The following PLXDC2 variants were observed in gnomAD, a reference collection of about 807,000 sequenced individuals.
PLXDC2 encodes plexin domain containing 2.
A neutral mutation model predicts 68.9 loss-of-function variants in PLXDC2; 40 were observed. The observed-to-expected ratio is 0.58, with a 90% CI of 0.45 to 0.76. The LOEUF is 0.76. Among genes scored for constraint, PLXDC2 ranks in the 30% least tolerant of loss-of-function variants. The pLI, the probability that PLXDC2 is intolerant of heterozygous loss-of-function variation, is 0.00. For synonymous variants in PLXDC2, 243 were observed against 234.2 expected (o/e 1.04, Z -0.34); for missense variants, 644 against 661.9 (o/e 0.97, Z 0.30).
chr10:20,279,498 G>T (rs1836052761), intron 13 of PLXDC2, among the ~76,000 whole-genome samples: 1 of 152,142 alleles, frequency 6.6e-6, no homozygotes, highest in African/African-American at 2.4e-5. Context: ...TGTGACAGGG[G>T]TAGATAGCGC....
At chr10:19,870,535 C>T (rs952300454) in intron 1 of PLXDC2, among the ~76,000 whole-genome samples, 1 of 152,008 alleles carries the variant, frequency 6.6e-6, no homozygotes. Flanking sequence ...AAGTGATTTT[C>T]CTGCCTCAGC....
chr10:20,279,834 A>T lies in PLXDC2; in HGVS notation c.*15A>T, dbSNP rs1460550432. On this transcript the variant is annotated 3_prime_UTR_variant, in exon 14 of 14. Coordinates refer to ENST00000377252, the MANE Select transcript of PLXDC2 (RefSeq NM_032812.9). Reference sequence around the variant, plus strand: ...AGCAGTGCTAAAATTTCTAGGACAGAACAACACCAGTACTGGTTTACAGGT... The same window carrying T: ...AGCAGTGCTAAAATTTCTAGGACAGTACAACACCAGTACTGGTTTACAGGT... 1 of 1,607,554 alleles carries T rather than the reference A, an allele frequency of 6.2e-7. No individual in the cohort carries two copies. The highest frequency in any genetic ancestry group is 8.5e-7 in the Non-Finnish European group (1 of 1,174,226).
At chr10:20,113,719 T>TA (rs570672069) in intron 4 of PLXDC2, among the ~76,000 whole-genome samples, 1 of 152,068 alleles carries the variant, frequency 6.6e-6, no homozygotes, top group Non-Finnish European at 1.5e-5. Flanking sequence ...AGGGGAAAAA[T>TA]AAAAAAACAG....
intron 1 of PLXDC2, among the ~76,000 whole-genome samples, chr10:19,870,815 G>GA (rs1589511094): frequency 6.6e-6 from 1 of 152,214 alleles, no homozygotes; most frequent in African/African-American, 2.4e-5. Context: ...GATGAGGAGA[G>GA]AAAATCTGTC....
intron 3 of PLXDC2, 109 bp downstream of exon 3, chr10:20,047,124 G>T (rs1835811426): frequency 8.6e-7 from 1 of 1,156,190 alleles, no homozygotes; most frequent in African/African-American, 1.6e-5. Context: ...TATTAGAATG[G>T]CCTTATCTGT....
chr10:20,103,967 T>G (rs1430651608), intron 4 of PLXDC2, among the ~76,000 whole-genome samples: 1 of 152,080 alleles, frequency 6.6e-6, no homozygotes, highest in African/African-American at 2.4e-5. Flanking sequence ...AAGATATAAT[T>G]GAAGGAGCAG....
intron 3 of PLXDC2, among the ~76,000 whole-genome samples, chr10:20,050,473 G>T (rs554647750): frequency 1.3e-5 from 2 of 152,152 alleles, no homozygotes; most frequent in Non-Finnish European, 2.9e-5. Flanking sequence ...TCTGACAAAG[G>T]TCTAATATCC....
rs571950373 is a variant in PLXDC2 at position 19,843,404 on chromosome 10, C to T, written c.112+26213C>T. ...TTTCCAAAGAGTCTACCCCTGTTAT[C>T]GTAGGATTCCTCCATAAGGACACCA... is the stretch of plus-strand genomic sequence containing the variant. On this transcript the variant is annotated intron_variant, in intron 1 of 13. Transcript: ENST00000377252. 5.9e-5 allele frequency among the ~76,000 whole-genome samples: 9 copies of T among 152,112 alleles called. No homozygotes were observed. The East Asian group carries it at 7.7e-4, about 13-fold the overall frequency.
chr10:20,284,400 A>G lies in PLXDC2; in HGVS notation c.*4581A>G, dbSNP rs1465218425. 2.5e-5 allele frequency: 3 copies of G among 118,824 alleles called. No homozygotes were observed. Among genetic ancestry groups the G allele is most frequent in the African/African-American group, 1.0e-4 (3 of 28,982 alleles). 7.4% of individuals were successfully genotyped at this position (118,824 alleles called of 1,614,324 possible). A position where few individuals can be genotyped will look rare whatever the true frequency, so the allele number is the denominator to read the frequency against. ...TATATGTATATTTGATAGAGATGAT[A>G]GCAATTATGTGTGTGTGTGTGTGTG... On this transcript the variant is annotated 3_prime_UTR_variant, in exon 14 of 14. Transcript: ENST00000377252.
chr10:20,128,350 A>G (rs1409967271), intron 4 of PLXDC2, among the ~76,000 whole-genome samples: 2 of 152,106 alleles, frequency 1.3e-5, no homozygotes, highest in Non-Finnish European at 2.9e-5. Flanking sequence ...TGAGGTATTG[A>G]CTTTTTTTCA....
intron 4 of PLXDC2, among the ~76,000 whole-genome samples, chr10:20,086,388 C>A (rs1378493046): frequency 6.6e-6 from 1 of 150,644 alleles, no homozygotes; most frequent in Non-Finnish European, 1.5e-5. Context: ...GACTGGGTCT[C>A]CCTATGCTGT....
chr10:20,257,144 C>T (rs1835752383), intron 13 of PLXDC2, among the ~76,000 whole-genome samples: 1 of 152,172 alleles, frequency 6.6e-6, no homozygotes. Flanking sequence ...CTTTCTGACA[C>T]TCACAGGTAC....
At chr10:20,222,200 A>G (rs1476484247) in intron 12 of PLXDC2, among the ~76,000 whole-genome samples, 1 of 152,138 alleles carries the variant, frequency 6.6e-6, no homozygotes, top group Non-Finnish European at 1.5e-5. Context: ...TTTCTTGGTT[A>G]TTGCATTACT....
At chr10:20,016,964 A>C (rs1835222865) in intron 2 of PLXDC2, among the ~76,000 whole-genome samples, 1 of 152,222 alleles carries the variant, frequency 6.6e-6, no homozygotes, top group Non-Finnish European at 1.5e-5. Flanking sequence ...CTTCTGTTCC[A>C]CATTGGTCTT....
At chr10:19,849,310 G>T (rs1237767266) in intron 1 of PLXDC2, among the ~76,000 whole-genome samples, 1 of 92,616 alleles carries the variant, frequency 1.1e-5, no homozygotes, top group East Asian at 2.4e-4. Flanking sequence ...ATTCTGTCTC[G>T]CTCTCTCTCT....
At chr10:20,016,343 TTGGACTGGAAGTAAAACGGAGTCCA>T (rs1835210107) in intron 2 of PLXDC2, among the ~76,000 whole-genome samples, 1 of 152,202 alleles carries the variant, frequency 6.6e-6, no homozygotes, top group African/African-American at 2.4e-5. Flanking sequence ...CATTTGTGGT[TTGGACTGGAAGTAAAACGGAGTCCA>T]TGTGACAAGA....
At chr10:19,863,373 G>A (rs540714771) in intron 1 of PLXDC2, among the ~76,000 whole-genome samples, 63 of 152,310 alleles carry the variant, frequency 4.1e-4, no homozygotes, top group African/African-American at 1.4e-3. Context: ...TGCTTGCAGG[G>A]CTGGTACGTT....
chr10:19,883,338 G>T (rs1479793985), intron 1 of PLXDC2, among the ~76,000 whole-genome samples: 2 of 152,146 alleles, frequency 1.3e-5, no homozygotes, highest in Non-Finnish European at 2.9e-5. Context: ...CATGAGAGGT[G>T]TTTAGTTAGC....
intron 3 of PLXDC2, among the ~76,000 whole-genome samples, chr10:20,064,522 T>C (rs1190650422): frequency 2.0e-5 from 3 of 152,164 alleles, no homozygotes; most frequent in Non-Finnish European, 4.4e-5. Context: ...TTTATGACAA[T>C]GCCCAGGGTT....
Sources: gnomAD v4.1 joint callset for allele counts (sites outside exome capture counted in the v4.1 genomes callset) on GRCh38, gnomAD v4.1.1 for gene constraint, MANE v1.5 for transcripts, NCBI Gene and HGNC (gene_info 2026-07-23, HGNC 2026-07-21) for gene names.